PDCD6: variants seen among roughly 807,000 people sequenced by gnomAD.
PDCD6 encodes programmed cell death protein 6.
PDCD6 carries 12 observed loss-of-function variants against 28.3 expected under a neutral mutation model. The ratio of observed to expected loss-of-function variants is 0.42; its 90% CI spans 0.27 to 0.69. The LOEUF (loss-of-function observed/expected upper bound fraction) is 0.69. Ranked by LOEUF, PDCD6 falls within the 30% of genes least tolerant of loss-of-function variation. The pLI is 0.22. For synonymous variants in PDCD6, 92 were observed against 108.0 expected (o/e 0.85, Z 0.92); for missense variants, 226 against 269.9 (o/e 0.84, Z 1.14).
Position 306,783 on chromosome 5 carries a change from T to G in PDCD6, c.367+23T>G, listed in dbSNP as rs774931553. 1.1e-5 allele frequency: 17 copies of G among 1,603,298 alleles called. No individual in the cohort carries two copies. In the Admixed American group the frequency reaches 1.5e-4, roughly 14 times the overall value. On this transcript the variant is annotated intron_variant, in intron 4 of 5. Coordinates refer to ENST00000264933, the MANE Select transcript of PDCD6 (RefSeq NM_013232.4). ...TCGGTAACTCACTCACTCTGGCTTG[T>G]GTAGCGTGTTTCATTTTGGAACCTT...
At chr5:297,046 T>C (rs1579518383) in intron 2 of PDCD6, among the ~76,000 whole-genome samples, 2 of 152,216 alleles carry the variant, frequency 1.3e-5, no homozygotes, top group African/African-American at 4.8e-5. Flanking sequence ...GAGTGTCTGG[T>C]GCTCGGCGCT....
chr5:274,427 C>G (rs1738049626), intron 2 of PDCD6, among the ~76,000 whole-genome samples: 1 of 152,236 alleles, frequency 6.6e-6, no homozygotes, highest in African/African-American at 2.4e-5. Context: ...TGGGGCCTGC[C>G]TGGATTCCAG....
At chr5:303,144 G>A (rs1024376007) in intron 2 of PDCD6, among the ~76,000 whole-genome samples, 5 of 152,106 alleles carry the variant, frequency 3.3e-5, no homozygotes, top group Non-Finnish European at 7.4e-5. Context: ...GGCACTAGGA[G>A]GAGCCCCATG....
chr5:274,368 G>A (rs564657694), intron 2 of PDCD6, among the ~76,000 whole-genome samples: 8 of 152,296 alleles, frequency 5.3e-5, no homozygotes, highest in African/African-American at 9.6e-5. Flanking sequence ...ATACTGGACC[G>A]CATTAGTATG....
chr5:277,787 C>T (rs1392932275), intron 2 of PDCD6, among the ~76,000 whole-genome samples: 8 of 151,792 alleles, frequency 5.3e-5, no homozygotes, highest in Non-Finnish European at 8.8e-5. Context: ...TGGTGGTGCG[C>T]GCCTATAATC....
chr5:290,544 G>T (rs1252034739), intron 2 of PDCD6, among the ~76,000 whole-genome samples: 4 of 152,150 alleles, frequency 2.6e-5, no homozygotes, highest in Admixed American at 1.3e-4. Context: ...CTCCAACATG[G>T]CGCCTGGCAC....
rs576440136 is a variant in PDCD6 at position 276,930 on chromosome 5, G to C, written c.163+4158G>C. On this transcript the variant is annotated intron_variant, in intron 2 of 5. Coordinates refer to ENST00000264933, the MANE Select transcript of PDCD6 (RefSeq NM_013232.4). The stretch of plus-strand genomic sequence containing the variant: ...TCTGCCCTTCTTTTTGCAATAAAAT[G>C]TTCCAAACTATCTTGAGTTTGATCC... 3 of 985,204 alleles carry C rather than the reference G, an allele frequency of 3.0e-6. No homozygotes were observed. The South Asian group carries it at 1.4e-4, about 46-fold the overall frequency. 61.0% of individuals were successfully genotyped at this position (985,204 alleles called of 1,614,324 possible).
intron 3 of PDCD6, chr5:306,356 G>A: frequency 2.2e-6 from 1 of 461,372 alleles, no homozygotes; most frequent in South Asian, 2.8e-5. Flanking sequence ...AGCTGCAAGT[G>A]CACCTTCTCC....
chr5:305,786 G>A lies in PDCD6; in HGVS notation c.209-816G>A, dbSNP rs1017022459. The A allele has an allele frequency of 1.3e-5, 2 of 152,250 alleles. No homozygotes were observed. Among genetic ancestry groups the A allele is most frequent in the Non-Finnish European group, 2.9e-5 (2 of 68,068 alleles). The allele number at this position is 152,250 out of a possible 1,614,324, so 9.4% of individuals were successfully genotyped here. ...ACGGTTGTGTGAAAAACAGCCACTG[G>A]TTGCACACAGGGTTGTGGACTGTTG... is the stretch of plus-strand genomic sequence containing the variant. On this transcript the variant is annotated intron_variant, in intron 3 of 5. Coordinates refer to ENST00000264933, the MANE Select transcript of PDCD6 (RefSeq NM_013232.4). The surrounding 1 kb of genome is among the most constrained non-coding windows in gnomAD (Gnocchi z 4.0).
chr5:276,746 T>C, intron 2 of PDCD6: 1 of 985,120 alleles, frequency 1.0e-6, no homozygotes, highest in Non-Finnish European at 1.2e-6. Context: ...GTTAAATTTG[T>C]GCTTCTGAGT....
chr5:302,084 G>A (rs113418492), intron 2 of PDCD6, among the ~76,000 whole-genome samples: 2 of 115,452 alleles, frequency 1.7e-5, no homozygotes, highest in African/African-American at 3.4e-5. Flanking sequence ...GTGTGTGTGT[G>A]TGTGTGTGTG....
At chr5:292,289 C>T (rs1308178651) in intron 2 of PDCD6, among the ~76,000 whole-genome samples, 3 of 152,186 alleles carry the variant, frequency 2.0e-5, no homozygotes, top group East Asian at 3.8e-4. Flanking sequence ...GACAGAGTCT[C>T]ACTCTGTTGC....
intron 2 of PDCD6, among the ~76,000 whole-genome samples, chr5:287,111 G>A (rs1459859720): frequency 5.3e-5 from 8 of 152,108 alleles, no homozygotes; most frequent in African/African-American, 1.4e-4. Context: ...GGAAGAGCTG[G>A]TGCTGCGGTT....
At chr5:277,088 A>G (rs1229321844) in intron 2 of PDCD6, 2 of 265,464 alleles carry the variant, frequency 7.5e-6, no homozygotes, top group African/African-American at 4.6e-5. Context: ...TTAAAGCTGT[A>G]CTTTAAAAAA....
At chr5:276,916 T>C in intron 2 of PDCD6, 3 of 985,312 alleles carry the variant, frequency 3.0e-6, no homozygotes, top group Non-Finnish European at 3.6e-6. Context: ...CTGCCCTTCT[T>C]TTTGCAATAA....
chr5:299,499 CTG>C (rs1739883955), intron 2 of PDCD6, among the ~76,000 whole-genome samples: 1 of 151,662 alleles, frequency 6.6e-6, no homozygotes, highest in Non-Finnish European at 1.5e-5. Flanking sequence ...TTTCAAGTCT[CTG>C]TGCTTCTGAA....
chr5:312,130 C>T (rs1332395104), intron 5 of PDCD6: 1 of 152,466 alleles, frequency 6.6e-6, no homozygotes, highest in Non-Finnish European at 1.5e-5. Flanking sequence ...GGTCTCCGAG[C>T]TCTTCCCGTG....
At chr5:278,235 T>C (rs1738330013) in intron 2 of PDCD6, among the ~76,000 whole-genome samples, 2 of 152,206 alleles carry the variant, frequency 1.3e-5, no homozygotes, top group South Asian at 4.1e-4. Context: ...CATTTATTTA[T>C]CTATTAAAAA....
intron 2 of PDCD6, among the ~76,000 whole-genome samples, chr5:274,870 T>C (rs1309641537): frequency 6.6e-6 from 1 of 152,192 alleles, no homozygotes; most frequent in Non-Finnish European, 1.5e-5. Flanking sequence ...AACATAATCT[T>C]GATTTCAGCT....
Sources: gnomAD v4.1 joint callset for allele counts (sites outside exome capture counted in the v4.1 genomes callset) on GRCh38, gnomAD v4.1.1 for gene constraint, Gnocchi (gnomAD v3.1) non-coding constraint, MANE v1.5 for transcripts, NCBI Gene and HGNC (gene_info 2026-07-23, HGNC 2026-07-21) for gene names.